CNR2: variants seen among roughly 807,000 people sequenced by gnomAD.
The protein encoded by CNR2 is cannabinoid receptor 2 (macrophage).
For missense variants in CNR2, 379 were observed against 439.9 expected (o/e 0.86, Z 1.24); for synonymous variants, 172 against 182.2 (o/e 0.94, Z 0.45).
intron 1 of CNR2, among the ~76,000 whole-genome samples, chr1:23,894,047 G>A (rs1263238180): frequency 1.3e-5 from 2 of 151,708 alleles, no homozygotes; most frequent in African/African-American, 4.8e-5. Flanking sequence ...TGGAGCCCAG[G>A]AGAGTGAAGC....
intron 1 of CNR2, among the ~76,000 whole-genome samples, chr1:23,879,944 A>G (rs1306839695): frequency 6.6e-6 from 1 of 152,156 alleles, no homozygotes. Context: ...CCTTAGTGTT[A>G]TGGTCCCTTC....
In CNR2 at chr1:23,871,912, C is replaced by T. The variant is rs1639770835; in HGVS notation, c.*2623G>A. 6.6e-6 allele frequency: 1 copy of T among 151,912 alleles called. No individual in the cohort carries two copies. The highest frequency in any genetic ancestry group is 2.1e-4 in the South Asian group (1 of 4,816). 9.4% of individuals were successfully genotyped at this position (151,912 alleles called of 1,614,324 possible). A position where few individuals can be genotyped will look rare whatever the true frequency, so the allele number is the denominator to read the frequency against. On this transcript the variant is annotated 3_prime_UTR_variant, in exon 2 of 2. Transcript: ENST00000374472. ...ATTTAGGAGGCCAAGGTGGGCGGATCACTTGAGGTCAGGAGTTCAAGACCA... is the reference window on the plus strand; with the variant it reads ...ATTTAGGAGGCCAAGGTGGGCGGATTACTTGAGGTCAGGAGTTCAAGACCA...
intron 1 of CNR2, among the ~76,000 whole-genome samples, chr1:23,894,258 A>C (rs541578178): frequency 1.3e-5 from 2 of 151,930 alleles, no homozygotes; most frequent in African/African-American, 4.8e-5. Context: ...TCATCTCTAC[A>C]GTAAAAAATA....
intron 1 of CNR2, among the ~76,000 whole-genome samples, chr1:23,897,369 T>A (rs2502974): frequency 1.3e-5 from 2 of 151,950 alleles, no homozygotes; most frequent in African/African-American, 2.4e-5. Context: ...AAAAGTTACC[T>A]TGGCAATAAA....
At chr1:23,902,378 C>T in intron 1 of CNR2, 1 of 1,585,986 alleles carries the variant, frequency 6.3e-7, no homozygotes. Flanking sequence ...CGCAGGCGTT[C>T]TTGGCTTTCA....
Position 23,872,874 on chromosome 1 carries a change from G to A in CNR2, c.*1661C>T, listed in dbSNP as rs2501426. On this transcript the variant is annotated 3_prime_UTR_variant, in exon 2 of 2. Transcript: ENST00000374472. ...ACCTGCATATTTCCTTTGTTGTACT[G>A]CCTGTAATTATCTTCTTTATTGACT... The A allele has an allele frequency of 0.63, 95,962 of 151,544 alleles. 30,763 individuals carry two copies. Among genetic ancestry groups the A allele is most frequent in the African/African-American group, 0.75 (31,184 of 41,304 alleles). The allele number at this position is 151,544 out of a possible 1,614,324, so 9.4% of individuals were successfully genotyped here. A position where few individuals can be genotyped will look rare whatever the true frequency, so the allele number is the denominator to read the frequency against.
At chr1:23,906,539 T>A (rs1390925708) in intron 1 of CNR2, among the ~76,000 whole-genome samples, 2 of 52,502 alleles carry the variant, frequency 3.8e-5, no homozygotes, top group African/African-American at 7.8e-5. Context: ...CTTTCTTTTT[T>A]TTCTTTCTTT....
At chr1:23,900,160 G>A (rs1220916150) in intron 1 of CNR2, among the ~76,000 whole-genome samples, 1 of 151,610 alleles carries the variant, frequency 6.6e-6, no homozygotes, top group Non-Finnish European at 1.5e-5. Context: ...TGATCTTGTG[G>A]CCCCCACCCA....
chr1:23,879,279 G>T (rs1028109858), intron 1 of CNR2, among the ~76,000 whole-genome samples: 7 of 152,204 alleles, frequency 4.6e-5, no homozygotes, highest in Middle Eastern at 3.4e-3. Context: ...GGGTGACAGA[G>T]TGAGACTCTG....
chr1:23,886,375 AG>A (rs1346413000), intron 1 of CNR2, among the ~76,000 whole-genome samples: 1 of 152,188 alleles, frequency 6.6e-6, no homozygotes, highest in African/African-American at 2.4e-5. Flanking sequence ...TGACTCCGAA[AG>A]GGATTTCTAT....
intron 1 of CNR2, among the ~76,000 whole-genome samples, chr1:23,890,194 G>A (rs1192452046): frequency 4.6e-5 from 7 of 150,574 alleles, no homozygotes; most frequent in East Asian, 2.0e-4. Context: ...AGGAAGTCAC[G>A]GCTGCAGTAA....
At chr1:23,879,645 T>G (rs1016451401) in intron 1 of CNR2, among the ~76,000 whole-genome samples, 1 of 152,048 alleles carries the variant, frequency 6.6e-6, no homozygotes, top group Non-Finnish European at 1.5e-5. Context: ...GAAATAAAAT[T>G]GTGAATGACA....
rs79378712 is a variant in CNR2, at chr1:23,909,911, G to A, written c.-46+3335C>T. Among the ~76,000 whole-genome samples the A allele has an allele frequency of 3.4e-3, 511 of 151,564 alleles. 6 individuals are homozygous for A. The highest frequency in any genetic ancestry group is 0.012 in the African/African-American group (496 of 41,302). ...TCTGGATCCAGATTGACCTGGACTT[G>A]AGTCTCAGCTTTGCCATTACCACCA... On this transcript the variant is annotated intron_variant, in intron 1 of 1. Coordinates refer to ENST00000374472, the MANE Select transcript of CNR2 (RefSeq NM_001841.3).
At position 23,874,579 on chromosome 1, in the gene CNR2, T is replaced by A; in HGVS notation, c.1039A>T (p.Thr347Ser). The change falls in exon 2 of 2, where the codon ACT becomes TCT. Residue 347 changes from threonine (T) to serine (S), a missense_variant. Coordinates refer to ENST00000374472, the MANE Select transcript of CNR2 (RefSeq NM_001841.3). ...AGATCTCTGGAATCTGGCCACGGAGTGATTTTCCCATCAGCCTCTGTCTCG... is the reference window on the plus strand; with the variant it reads ...AGATCTCTGGAATCTGGCCACGGAGAGATTTTCCCATCAGCCTCTGTCTCG... ...VTETEADGKI[T>S]PWPDSRDLDL... is the part of the protein sequence containing the mutation. 6.2e-7 allele frequency: 1 copy of A among 1,613,760 alleles called. No homozygotes were observed. The highest frequency in any genetic ancestry group is 1.1e-5 in the South Asian group (1 of 91,042).
At chr1:23,902,338 C>A in intron 1 of CNR2, 1 of 1,569,962 alleles carries the variant, frequency 6.4e-7, no homozygotes, top group South Asian at 1.2e-5. Context: ...AGGTCGGGCT[C>A]CTCAAACAGC....
rs192510247 is a variant in CNR2 at position 23,899,191 on chromosome 1, T to C, written c.-46+14055A>G. 5.9e-5 allele frequency among the ~76,000 whole-genome samples: 9 copies of C among 152,260 alleles called. No individual in the cohort carries two copies. The East Asian group carries it at 1.7e-3, about 29-fold the overall frequency. On this transcript the variant is annotated intron_variant, in intron 1 of 1. Transcript: ENST00000374472. Reference sequence around the variant, plus strand: ...TGAGGAACCAGAGGCTCAGCTAGACTGGATTTGCCGAGGTCACAAAGTTTG... The same window carrying C: ...TGAGGAACCAGAGGCTCAGCTAGACCGGATTTGCCGAGGTCACAAAGTTTG...
At chr1:23,891,092 CTG>C (rs1453656704) in intron 1 of CNR2, among the ~76,000 whole-genome samples, 2 of 151,788 alleles carry the variant, frequency 1.3e-5, no homozygotes, top group African/African-American at 4.8e-5. Context: ...GTTGGCCAGC[CTG>C]TTCTCGAACT....
intron 1 of CNR2, among the ~76,000 whole-genome samples, chr1:23,877,961 CAA>C (rs879262067): frequency 1.9e-4 from 18 of 95,914 alleles, no homozygotes; most frequent in Admixed American, 6.8e-4. Flanking sequence ...AACTCCATCT[CAA>C]AAAAAAAAAA....
chr1:23,896,047 A>G (rs1414748958), intron 1 of CNR2, among the ~76,000 whole-genome samples: 1 of 151,982 alleles, frequency 6.6e-6, no homozygotes, highest in Non-Finnish European at 1.5e-5. Context: ...TACTTTTTGT[A>G]GAGATGGGGT....
Sources: gnomAD v4.1 joint callset for allele counts (sites outside exome capture counted in the v4.1 genomes callset) on GRCh38, gnomAD v4.1.1 for gene constraint, MANE v1.5 for transcripts, NCBI Gene and HGNC (gene_info 2026-07-23, HGNC 2026-07-21) for gene names.